LNPK: variants seen among roughly 807,000 people sequenced by gnomAD.
The protein encoded by LNPK is lunapark, ER junction formation factor.
A neutral mutation model predicts 55.2 loss-of-function variants in LNPK; 29 were observed. That is an observed-to-expected ratio of 0.53 (90% CI 0.39 to 0.72). The LOEUF (loss-of-function observed/expected upper bound fraction) is 0.72, where lower values mean the gene tolerates loss of function less well. LNPK is among the 30% of genes least tolerant of loss of function. LNPK has a pLI of 0.00. For missense variants in LNPK, 467 were observed against 494.8 expected (o/e 0.94, Z 0.53); for synonymous variants, 162 against 168.2 (o/e 0.96, Z 0.29).
At chr2:175,966,151 A>G (rs943197786) in intron 6 of LNPK, among the ~76,000 whole-genome samples, 4 of 152,026 alleles carry the variant, frequency 2.6e-5, no homozygotes, top group African/African-American at 9.7e-5. Context: ...TGCAGCCTCC[A>G]CCTCCCAGGT....
At chr2:175,949,330 T>A (rs1487435074) in intron 8 of LNPK, among the ~76,000 whole-genome samples, 1 of 152,136 alleles carries the variant, frequency 6.6e-6, no homozygotes. Flanking sequence ...TAATAGGTGG[T>A]TGCATATTAG....
At chr2:175,995,425 A>G (rs943284286) in intron 2 of LNPK, 133 bp downstream of exon 2, 4 of 577,912 alleles carry the variant, frequency 6.9e-6, no homozygotes, top group Admixed American at 3.5e-5. Flanking sequence ...AAGTAATTCA[A>G]AAGAGAAGAA....
chr2:175,979,767 G>C, intron 5 of LNPK, 43 bp downstream of exon 5: 1 of 1,386,778 alleles, frequency 7.2e-7, no homozygotes, highest in Non-Finnish European at 9.7e-7. Flanking sequence ...TTCTAAAATA[G>C]GTATTTTAAA....
intron 10 of LNPK, 155 bp from the exon 11 acceptor site, chr2:175,938,538 T>C (rs1040334662): frequency 9.6e-6 from 4 of 416,504 alleles, no homozygotes; most frequent in African/African-American, 8.2e-5. Flanking sequence ...ACAATATTCA[T>C]TAAATAAAAG....
rs548701289 is a variant in LNPK at position 175,964,088 on chromosome 2, T to C, written c.493+284A>G. Among the ~76,000 whole-genome samples, 265 of 152,278 alleles carry C rather than the reference T, an allele frequency of 1.7e-3. 4 individuals carry two copies. The highest frequency in any genetic ancestry group is 4.7e-4 in the Non-Finnish European group (32 of 68,018). The stretch of plus-strand genomic sequence containing the variant: ...GAGACTATTATTTGAAAGTGGGAAA[T>C]ATTTACAAAATATTGATGAAATTAT... On this transcript the variant is annotated intron_variant, in intron 8 of 12. Coordinates refer to ENST00000272748, the MANE Select transcript of LNPK (RefSeq NM_030650.3).
At chr2:175,979,214 CA>C (rs1402909325) in intron 5 of LNPK, among the ~76,000 whole-genome samples, 2 of 151,854 alleles carry the variant, frequency 1.3e-5, no homozygotes, top group African/African-American at 4.8e-5. Flanking sequence ...TGTAACAAAC[CA>C]AGTTTTCCAT....
At chr2:175,981,101 C>A (rs1687153847) in intron 4 of LNPK, among the ~76,000 whole-genome samples, 1 of 152,136 alleles carries the variant, frequency 6.6e-6, no homozygotes, top group Admixed American at 6.5e-5. Flanking sequence ...CACCAGTGAT[C>A]CCTGTCTCTT....
chr2:175,954,008 T>G (rs751885555), intron 8 of LNPK, among the ~76,000 whole-genome samples: 3 of 152,138 alleles, frequency 2.0e-5, no homozygotes, highest in Non-Finnish European at 2.9e-5. Context: ...GTTTCTCTCT[T>G]CCAGTGCTTG....
At chr2:175,955,083 T>C (rs1685627948) in intron 8 of LNPK, among the ~76,000 whole-genome samples, 1 of 152,106 alleles carries the variant, frequency 6.6e-6, no homozygotes, top group Non-Finnish European at 1.5e-5. Context: ...GAAAACTGGA[T>C]TGGGATAGAA....
In LNPK at chr2:175,938,201, A is replaced by C. The variant is rs1684646345; in HGVS notation, c.883+112T>G. On this transcript the variant is annotated intron_variant, in intron 11 of 12. Coordinates refer to ENST00000272748, the MANE Select transcript of LNPK (RefSeq NM_030650.3). ...TACTAAAATAAGGATAATATGCCTA[A>C]CCAATGTATACAAAGAGAGTATATA... 4.7e-6 allele frequency: 3 copies of C among 643,860 alleles called. No individual in the cohort carries two copies. In the South Asian group the frequency reaches 7.1e-5, roughly 15 times the overall value. The allele number at this position is 643,860 out of a possible 1,614,324, so 39.9% of individuals were successfully genotyped here. A position where few individuals can be genotyped will look rare whatever the true frequency, so the allele number is the denominator to read the frequency against.
At chr2:175,947,429 TA>T in intron 9 of LNPK, 50 bp downstream of exon 9, 1 of 1,500,328 alleles carries the variant, frequency 6.7e-7, no homozygotes, top group Non-Finnish European at 9.2e-7. Context: ...GTTTTATTGG[TA>T]ACCAGAGAAA....
At position 175,960,821 on chromosome 2, in the gene LNPK, G is replaced by A. The variant is rs112829119; in HGVS notation, c.493+3551C>T. ...AATAGATAGACCACTAGCAAGACTA[G>A]TAAAGAAGAAAAGAGAGAAGAATCA... On this transcript the variant is annotated intron_variant, in intron 8 of 12. Coordinates refer to ENST00000272748, the MANE Select transcript of LNPK (RefSeq NM_030650.3). Among the ~76,000 whole-genome samples, 391 of 151,948 alleles carry A rather than the reference G, an allele frequency of 2.6e-3. 4 individuals carry two copies. The highest frequency in any genetic ancestry group is 8.8e-3 in the African/African-American group (365 of 41,472).
In LNPK at chr2:175,994,914, ATTT is replaced by A. The variant is rs35432943; in HGVS notation, c.27+641_27+643del. The stretch of plus-strand genomic sequence containing the variant: ...CTGTAAAAAACAAGTCTTGTATAGA[ATTT>A]TTTTTTTTTTTTTTTTTTTTGTGAG... On this transcript the variant is annotated intron_variant, in intron 2 of 12. Coordinates refer to ENST00000272748, the MANE Select transcript of LNPK (RefSeq NM_030650.3). Among the ~76,000 whole-genome samples the A allele has an allele frequency of 2.5e-3, 221 of 88,496 alleles. 2 individuals are homozygous for A. In the East Asian group the frequency reaches 0.045, roughly 18 times the overall value. The allele number at this position is 88,496 out of a possible 152,430, so 58.1% of individuals were successfully genotyped here. A position where few individuals can be genotyped will look rare whatever the true frequency, so the allele number is the denominator to read the frequency against.
upstream of LNPK, chr2:176,002,411 C>A: frequency 2.9e-6 from 1 of 341,022 alleles, no homozygotes. Flanking sequence ...AGGTTAGGAT[C>A]TTGTGTTTGT....
chr2:175,931,940 T>C (rs1684299239), intron 12 of LNPK: 1 of 281,024 alleles, frequency 3.6e-6, no homozygotes, highest in Admixed American at 4.1e-5. Context: ...TTAAGCGTCA[T>C]GGTTTTCCAC....
At chr2:175,958,357 C>T (rs1386062809) in intron 8 of LNPK, among the ~76,000 whole-genome samples, 1 of 152,172 alleles carries the variant, frequency 6.6e-6, no homozygotes, top group African/African-American at 2.4e-5. Flanking sequence ...TGGGACGAAG[C>T]GTCCACAGGA....
chr2:175,943,245 G>GAAAA (rs561523124), intron 9 of LNPK, among the ~76,000 whole-genome samples: 2 of 127,190 alleles, frequency 1.6e-5, no homozygotes, highest in African/African-American at 2.9e-5. Flanking sequence ...TCTCTCAGAA[G>GAAAA]AAAAAAAAAA....
chr2:175,930,677 T>C (rs936377696), intron 12 of LNPK, among the ~76,000 whole-genome samples: 1 of 151,752 alleles, frequency 6.6e-6, no homozygotes, highest in African/African-American at 2.4e-5. Flanking sequence ...TGGGTGGGTG[T>C]GTGTGGGTGT....
intron 6 of LNPK, among the ~76,000 whole-genome samples, chr2:175,965,409 AG>A (rs1415610257): frequency 3.3e-5 from 5 of 152,362 alleles, no homozygotes; most frequent in African/African-American, 1.2e-4. Flanking sequence ...CTTTAGTACA[AG>A]ACAGTCATAG....
Sources: allele counts gnomAD v4.1 joint callset (sites outside exome capture counted in the v4.1 genomes callset), GRCh38; gene constraint gnomAD v4.1.1; transcripts MANE v1.5; gene names NCBI Gene and HGNC (gene_info 2026-07-23, HGNC 2026-07-21).